The following GALNT17 variants were observed in gnomAD, a reference collection of about 807,000 sequenced individuals.
GALNT17 encodes the protein polypeptide N-acetylgalactosaminyltransferase 17, also known as UDP-GalNAc:polypeptide N-acetylgalactosaminyltransferase-like 3.
GALNT17 carries 29 observed loss-of-function variants against 63.7 expected under a neutral mutation model. The ratio of observed to expected loss-of-function variants is 0.46; its 90% CI spans 0.34 to 0.62. GALNT17 has a LOEUF of 0.62. Ranked by LOEUF, GALNT17 falls within the 20% of genes least tolerant of loss-of-function variation. The pLI is 0.01. For synonymous variants in GALNT17, 305 were observed against 318.3 expected, an observed-to-expected ratio of 0.96 and a Z score of 0.45; for missense variants, 603 against 799.6, an observed-to-expected ratio of 0.75 and a Z score of 2.97.
chr7:71,544,128 T>C (rs1435448565), intron 5 of GALNT17, among the ~76,000 whole-genome samples: 2 of 10,924 alleles, frequency 1.8e-4, no homozygotes, highest in East Asian at 7.6e-4. Flanking sequence ...TTTTTTCTTT[T>C]TTTTTTTTTT....
At chr7:71,328,107 G>A (rs901881624) in intron 1 of GALNT17, among the ~76,000 whole-genome samples, 1 of 152,164 alleles carries the variant, frequency 6.6e-6, no homozygotes, top group Non-Finnish European at 1.5e-5. Flanking sequence ...AAGGATATTT[G>A]ATATGGTTGC....
chr7:71,220,632 G>A (rs1789566004), intron 1 of GALNT17, among the ~76,000 whole-genome samples: 1 of 152,066 alleles, frequency 6.6e-6, no homozygotes, highest in Non-Finnish European at 1.5e-5. Flanking sequence ...TTGGAGATAG[G>A]GCTTTGAAAG....
At chr7:71,637,001 T>A (rs1790536433) in intron 6 of GALNT17, among the ~76,000 whole-genome samples, 1 of 152,142 alleles carries the variant, frequency 6.6e-6, no homozygotes. Flanking sequence ...GTCGGATGAC[T>A]TAGAGCTATT....
At chr7:71,197,093 G>A (rs568768285) in intron 1 of GALNT17, among the ~76,000 whole-genome samples, 1 of 151,644 alleles carries the variant, frequency 6.6e-6, no homozygotes, top group East Asian at 1.9e-4. Context: ...CCATCCTCTC[G>A]AGCATTTATC....
At chr7:71,439,776 T>G (rs1369741682) in intron 5 of GALNT17, among the ~76,000 whole-genome samples, 1 of 152,182 alleles carries the variant, frequency 6.6e-6, no homozygotes, top group Admixed American at 6.6e-5. Flanking sequence ...CCATTAATTT[T>G]ATGGAGCTGA....
At chr7:71,424,853 A>G (rs1474770178) in intron 5 of GALNT17, among the ~76,000 whole-genome samples, 3 of 152,236 alleles carry the variant, frequency 2.0e-5, no homozygotes, top group African/African-American at 7.2e-5. Context: ...AAAACATTTC[A>G]TCATCCAAAT....
In GALNT17 at chr7:71,416,795, G is replaced by A. The variant is rs187995228; in HGVS notation, c.764+732G>A. ...ATATAGTTATAATTCTAACTACTCA[G>A]GTAAAGCTCCCCAGAATGTATGGGA... On this transcript the variant is annotated intron_variant, in intron 4 of 10. Transcript: ENST00000333538. 2.6e-5 allele frequency among the ~76,000 whole-genome samples: 4 copies of A among 152,256 alleles called. No individual in the cohort carries two copies. In the East Asian group the frequency reaches 7.7e-4, roughly 29 times the overall value.
intron 1 of GALNT17, among the ~76,000 whole-genome samples, chr7:71,224,069 AT>A (rs1248226832): frequency 2.0e-5 from 3 of 151,936 alleles, no homozygotes; most frequent in Non-Finnish European, 4.4e-5. Flanking sequence ...TTTTATTTTT[AT>A]TTTTATTGTT....
chr7:71,144,756 GTCTC>G (rs936825096), intron 1 of GALNT17, among the ~76,000 whole-genome samples: 1 of 151,974 alleles, frequency 6.6e-6, no homozygotes, highest in African/African-American at 2.4e-5. Flanking sequence ...TTTTGATGGA[GTCTC>G]TCTCTCTTTC....
intron 2 of GALNT17, among the ~76,000 whole-genome samples, chr7:71,350,602 A>G (rs1320034332): frequency 6.6e-6 from 1 of 152,250 alleles, no homozygotes; most frequent in Non-Finnish European, 1.5e-5. Flanking sequence ...ATTGTATTAC[A>G]TATTATAAGT....
chr7:71,227,649 C>T (rs1789706594), intron 1 of GALNT17, among the ~76,000 whole-genome samples: 1 of 152,108 alleles, frequency 6.6e-6, no homozygotes, highest in South Asian at 2.1e-4. Flanking sequence ...GATTTGATGG[C>T]ATACAGCATG....
intron 4 of GALNT17, 121 bp downstream of exon 4, chr7:71,416,184 G>A: frequency 8.4e-7 from 1 of 1,191,194 alleles, no homozygotes; most frequent in Non-Finnish European, 1.1e-6. Flanking sequence ...ACTAGAGAGA[G>A]ACTCGTCAAA....
chr7:71,134,358 T>C (rs1787742688), intron 1 of GALNT17, among the ~76,000 whole-genome samples: 1 of 152,182 alleles, frequency 6.6e-6, no homozygotes, highest in African/African-American at 2.4e-5. Flanking sequence ...CCTTCTCACA[T>C]TGGAGGATCT....
chr7:71,264,535 A>T (rs1790452078), intron 1 of GALNT17, among the ~76,000 whole-genome samples: 1 of 152,194 alleles, frequency 6.6e-6, no homozygotes, highest in African/African-American at 2.4e-5. Context: ...ACCCCTGTTC[A>T]TTGCAGCAGT....
At chr7:71,338,372 T>A (rs1791950351) in intron 2 of GALNT17, among the ~76,000 whole-genome samples, 1 of 150,526 alleles carries the variant, frequency 6.6e-6, no homozygotes, top group Admixed American at 6.6e-5. Flanking sequence ...TATATATATA[T>A]AAATTAGCCA....
chr7:71,638,021 T>G (rs1406880739), intron 6 of GALNT17, among the ~76,000 whole-genome samples: 1 of 152,112 alleles, frequency 6.6e-6, no homozygotes, highest in East Asian at 1.9e-4. Flanking sequence ...AAGAGGTGAG[T>G]TATTCATGAG....
At chr7:71,151,575 C>T (rs566401127) in intron 1 of GALNT17, among the ~76,000 whole-genome samples, 4 of 150,138 alleles carry the variant, frequency 2.7e-5, no homozygotes, top group South Asian at 4.2e-4. Context: ...GAGCCGAGAT[C>T]GCGCCACTCA....
intron 8 of GALNT17, among the ~76,000 whole-genome samples, chr7:71,674,756 A>T (rs891365864): frequency 1.3e-5 from 2 of 152,152 alleles, no homozygotes; most frequent in South Asian, 4.1e-4. Flanking sequence ...ACCTTAAGCA[A>T]TCTTCCAGCC....
At chr7:71,401,488 C>A (rs1441537277) in intron 3 of GALNT17, among the ~76,000 whole-genome samples, 1 of 152,134 alleles carries the variant, frequency 6.6e-6, no homozygotes, top group Non-Finnish European at 1.5e-5. Context: ...CCCAACCCCC[C>A]AGGCCATAAA....
Sources: allele counts gnomAD v4.1 joint callset (sites outside exome capture counted in the v4.1 genomes callset), GRCh38; gene constraint gnomAD v4.1.1; transcripts MANE v1.5; gene names NCBI Gene and HGNC (gene_info 2026-07-23, HGNC 2026-07-21).